The following GGT7 variants were observed in gnomAD, a reference collection of about 807,000 sequenced individuals.
GGT7 encodes the protein glutathione hydrolase 7.
GGT7 carries 30 observed loss-of-function variants against 69.2 expected under a neutral mutation model. The ratio of observed to expected loss-of-function variants is 0.43; its 90% CI spans 0.32 to 0.59. The LOEUF (loss-of-function observed/expected upper bound fraction) is 0.59. Ranked by LOEUF, GGT7 falls within the 20% of genes least tolerant of loss-of-function variation. The probability of loss-of-function intolerance (pLI) is 0.05; values close to 1 mark genes in which losing one functional copy is unlikely to be tolerated. For missense variants in GGT7, 733 were observed against 901.1 expected (o/e 0.81, Z 2.39); for synonymous variants, 388 against 391.8 (o/e 0.99, Z 0.12).
At chr20:34,861,073 G>T (rs1317450508) in intron 4 of GGT7, among the ~76,000 whole-genome samples, 2 of 152,184 alleles carry the variant, frequency 1.3e-5, no homozygotes, top group South Asian at 4.1e-4. Context: ...TCAGCAGACA[G>T]TTGGTTTACT....
chr20:34,854,827 G>C lies in GGT7; in HGVS notation c.1199C>G (p.Ser400Cys). The change falls in exon 9 of 15, where the codon TCC (serine) becomes TGC (cysteine). Residue 400 changes from serine to cysteine, a missense_variant. By Grantham distance (112) the Ser-to-Cys change is moderately radical. Transcript: ENST00000336431. Reference sequence around the variant, plus strand: ...CACCCAGTGAAGAGCCTGTTCTCGGGATACCAGGCTGGTGAGATTGAAGCC... The same window carrying C: ...CACCCAGTGAAGAGCCTGTTCTCGGCATACCAGGCTGGTGAGATTGAAGCC... The part of the protein sequence containing the change: ...LEGFNLTSLV[S>C]REQALHWVAE... The C allele has an allele frequency of 6.2e-7, 1 of 1,614,180 alleles. No individual in the cohort carries two copies. Among genetic ancestry groups the C allele is most frequent in the Non-Finnish European group, 8.5e-7 (1 of 1,180,028 alleles).
intron 10 of GGT7, 110 bp from the exon 11 acceptor site, chr20:34,852,648 C>G (rs2146891921): frequency 1.0e-6 from 1 of 1,002,590 alleles, no homozygotes; most frequent in East Asian, 2.7e-5. Context: ...ACCTCCCTCA[C>G]TGGACTACTA....
At chr20:34,866,752 TA>T (rs1229707250) in intron 1 of GGT7, among the ~76,000 whole-genome samples, 2 of 152,064 alleles carry the variant, frequency 1.3e-5, no homozygotes, top group South Asian at 2.1e-4. Flanking sequence ...GCTAATTTTT[TA>T]TATTTTTAGT....
chr20:34,845,345 C>G lies in GGT7; in HGVS notation c.1972G>C (p.Gly658Arg). The G allele has an allele frequency of 6.2e-7, 1 of 1,613,792 alleles. No individual in the cohort carries two copies. Among genetic ancestry groups the G allele is most frequent in the Non-Finnish European group, 8.5e-7 (1 of 1,179,866 alleles). The change falls in exon 15 of 15, where the codon GGA (glycine) becomes CGA (arginine). Residue 658 changes from glycine (G) to arginine (R), a missense_variant. Coordinates refer to ENST00000336431, the MANE Select transcript of GGT7 (RefSeq NM_178026.3). The stretch of plus-strand genomic sequence containing the variant: ...CCGCTGCTCTACAGGATGGTGGCTC[C>G]AGCTGCATCTGGGCTCCGAGGGTCC... ...VKDPRSPDAA[G>R]ATIL
At chr20:34,868,146 G>A (rs1000717154) in intron 1 of GGT7, among the ~76,000 whole-genome samples, 2 of 152,204 alleles carry the variant, frequency 1.3e-5, no homozygotes, top group Non-Finnish European at 2.9e-5. Flanking sequence ...CATTACAGGC[G>A]TGAGCCACTG....
chr20:34,862,954 C>G lies in GGT7; in HGVS notation c.417G>C (p.Gln139His). 6.2e-7 allele frequency: 1 copy of G among 1,612,922 alleles called. No homozygotes were observed. The highest frequency in any genetic ancestry group is 8.5e-7 in the Non-Finnish European group (1 of 1,179,560). Residue 139 changes from glutamine (Q) to histidine (H), a missense_variant, in exon 3 of 15, where the codon CAG becomes CAC. Gln to His is a conservative substitution (Grantham distance 24). Coordinates refer to ENST00000336431, the MANE Select transcript of GGT7 (RefSeq NM_178026.3). ...GGGCAGCATCGGTCACCACGGCACCCTGCTGGAAGATCTGGGAGGGGAAAG... is the reference window on the plus strand; with the variant it reads ...GGGCAGCATCGGTCACCACGGCACCGTGCTGGAAGATCTGGGAGGGGAAAG... ...IYFGDPQIFQ[Q>H]GAVVTDAARC...
intron 1 of GGT7, among the ~76,000 whole-genome samples, chr20:34,870,086 C>G (rs565678783): frequency 1.3e-5 from 2 of 152,134 alleles, no homozygotes; most frequent in Non-Finnish European, 2.9e-5. Context: ...GATGGTACCA[C>G]CAGGTTGAGA....
chr20:34,870,393 T>C (rs1358770170), intron 1 of GGT7, among the ~76,000 whole-genome samples: 2 of 152,222 alleles, frequency 1.3e-5, no homozygotes, highest in African/African-American at 4.8e-5. Context: ...TCTCCTACCA[T>C]TCTTTCATCC....
intron 7 of GGT7, among the ~76,000 whole-genome samples, chr20:34,857,287 T>G (rs1323670132): frequency 1.3e-5 from 2 of 152,198 alleles, no homozygotes; most frequent in African/African-American, 4.8e-5. Flanking sequence ...CCTGCTGCTC[T>G]CTCTGCCTAT....
intron 10 of GGT7, among the ~76,000 whole-genome samples, chr20:34,853,350 T>C (rs1257320599): frequency 1.9e-5 from 1 of 52,278 alleles, no homozygotes; most frequent in East Asian, 2.6e-4. Context: ...GGTGTGTGTG[T>C]GTGTGTGTGT....
chr20:34,845,621 T>C, intron 14 of GGT7, 130 bp from the exon 15 acceptor site: 1 of 749,270 alleles, frequency 1.3e-6, no homozygotes, highest in Non-Finnish European at 2.2e-6. Context: ...CAAATCACTT[T>C]ACCTTGCTGA....
chr20:34,851,179 G>T, intron 13 of GGT7, 52 bp downstream of exon 13: 1 of 1,602,980 alleles, frequency 6.2e-7, no homozygotes, highest in South Asian at 1.1e-5. Flanking sequence ...CTGCAGTCTA[G>T]GCCACAGCTT....
intron 14 of GGT7, among the ~76,000 whole-genome samples, chr20:34,847,272 C>T (rs1158680484): frequency 1.3e-5 from 2 of 152,182 alleles, no homozygotes. Context: ...CATCTCTTGC[C>T]TGGGCCATAT....
chr20:34,852,123 G>C, intron 12 of GGT7, 32 bp downstream of exon 12: 1 of 1,327,230 alleles, frequency 7.5e-7, no homozygotes, highest in Admixed American at 1.7e-5. Context: ...TAGGCCTCAG[G>C]GTCCCCAGGA....
chr20:34,863,319 G>T lies in GGT7; in HGVS notation c.399C>A (p.Asp133Glu). Residue 133 changes from aspartate (D) to glutamate (E), a missense_variant, in exon 2 of 15, where the codon GAC becomes GAA. Physicochemically the swap from Asp to Glu is conservative, Grantham distance 45 (BLOSUM62 2). Coordinates refer to ENST00000336431, the MANE Select transcript of GGT7 (RefSeq NM_178026.3). This position sits in a 1 kb window ranked among gnomAD's most constrained non-coding sequence, Gnocchi z 4.4. ...VALVMQIYFG[D>E]PQIFQQGAVV... The stretch of plus-strand genomic sequence containing the variant: ...CCCCATTTGTCCCCCTCACCTGGGG[G>T]TCCCCGAAGTAGATCTGCATGACCA... The T allele has an allele frequency of 6.2e-7, 1 of 1,609,900 alleles. No individual in the cohort carries two copies. Among genetic ancestry groups the T allele is most frequent in the Non-Finnish European group, 8.5e-7 (1 of 1,176,680 alleles).
chr20:34,855,789 C>CTGTGTGTGTGTGTGTGTG (rs3138662), intron 8 of GGT7, among the ~76,000 whole-genome samples: 243 of 144,154 alleles, frequency 1.7e-3, no homozygotes, highest in Middle Eastern at 6.8e-3. Flanking sequence ...TTTTTCTTTT[C>CTGTGTGTGTGTGTGTGTG]TGTGTGTGTG....
chr20:34,870,710 G>T (rs888022483), intron 1 of GGT7, among the ~76,000 whole-genome samples: 1 of 151,812 alleles, frequency 6.6e-6, no homozygotes, highest in South Asian at 2.1e-4. Flanking sequence ...GACCTCAGGT[G>T]ATCCACCCGC....
At chr20:34,850,524 T>C (rs2079372287) in intron 13 of GGT7, among the ~76,000 whole-genome samples, 1 of 152,216 alleles carries the variant, frequency 6.6e-6, no homozygotes, top group African/African-American at 2.4e-5. Flanking sequence ...GGCTTCGGTT[T>C]CCTTATCTAT....
In GGT7 at chr20:34,872,629, G is replaced by T; in HGVS notation, c.169+18C>A. 1 of 1,439,290 alleles carries T rather than the reference G, an allele frequency of 6.9e-7. No individual in the cohort carries two copies. Among genetic ancestry groups the T allele is most frequent in the South Asian group, 1.5e-5 (1 of 66,946 alleles). The allele number at this position is 1,439,290 out of a possible 1,614,324, so 89.2% of individuals were successfully genotyped here. ...GGACTTCCCAAGGCAGGGCAGGGAC[G>T]GGGTCAGCGGGCCTCACCGGTGTCG... On this transcript the variant is annotated intron_variant, in intron 1 of 14. Coordinates refer to ENST00000336431, the MANE Select transcript of GGT7 (RefSeq NM_178026.3).
Sources: gnomAD v4.1 joint callset for allele counts (sites outside exome capture counted in the v4.1 genomes callset) on GRCh38, gnomAD v4.1.1 for gene constraint, Gnocchi (gnomAD v3.1) non-coding constraint, MANE v1.5 for transcripts, NCBI Gene and HGNC (gene_info 2026-07-23, HGNC 2026-07-21) for gene names.